ENTREP2: variants seen among roughly 807,000 people sequenced by gnomAD.
The protein encoded by ENTREP2 is endosomal transmembrane epsin interactor 2, also known as protein ENTREP2.
the ENTREP2 span, among the ~76,000 whole-genome samples, chr15:29,237,375 T>C: frequency 6.6e-6 from 1 of 152,204 alleles, no homozygotes; most frequent in African/African-American, 2.4e-5. Context: ...TAGGTGATGA[T>C]TTTGGAGTCA....
chr15:29,538,759 A>C, the ENTREP2 span, among the ~76,000 whole-genome samples: 52 of 151,828 alleles, frequency 3.4e-4, no homozygotes, highest in Admixed American at 1.7e-3. Context: ...CAGTGAGCCG[A>C]GATCATGCCA....
At chr15:29,560,029 G>A in the ENTREP2 span, among the ~76,000 whole-genome samples, 15 of 152,166 alleles carry the variant, frequency 9.9e-5, no homozygotes, top group Admixed American at 6.5e-4. Flanking sequence ...AAGATTCTCC[G>A]GATGCTGTGT....
At chr15:29,457,865 G>A in the ENTREP2 span, among the ~76,000 whole-genome samples, 1 of 152,156 alleles carries the variant, frequency 6.6e-6, no homozygotes, top group African/African-American at 2.4e-5. Flanking sequence ...GCAGGCCAGT[G>A]GGAACCTACT....
At chr15:29,363,073 T>C in the ENTREP2 span, among the ~76,000 whole-genome samples, 1 of 152,188 alleles carries the variant, frequency 6.6e-6, no homozygotes, top group African/African-American at 2.4e-5. Flanking sequence ...TAAGGATCTG[T>C]ACAAATATGT....
the ENTREP2 span, among the ~76,000 whole-genome samples, chr15:29,178,667 C>T: frequency 6.6e-6 from 1 of 151,980 alleles, no homozygotes; most frequent in African/African-American, 2.4e-5. Context: ...ACCTCCCTGC[C>T]CTATAAAAGA....
At chr15:29,276,346 TG>T in the ENTREP2 span, among the ~76,000 whole-genome samples, 9 of 152,238 alleles carry the variant, frequency 5.9e-5, no homozygotes, top group African/African-American at 2.2e-4. Flanking sequence ...GTCTTGATAG[TG>T]GTCACTAAGA....
At chr15:29,622,149 T>G in the ENTREP2 span, among the ~76,000 whole-genome samples, 1 of 152,090 alleles carries the variant, frequency 6.6e-6, no homozygotes, top group Non-Finnish European at 1.5e-5. Flanking sequence ...CACAACACTG[T>G]GAATGTATTT....
the ENTREP2 span, among the ~76,000 whole-genome samples, chr15:29,471,328 C>T: frequency 6.6e-6 from 1 of 152,254 alleles, no homozygotes; most frequent in Non-Finnish European, 1.5e-5. Context: ...ATAGAAAAAG[C>T]TCCAAGAAGG....
chr15:29,435,558 T>C, the ENTREP2 span, among the ~76,000 whole-genome samples: 1 of 152,112 alleles, frequency 6.6e-6, no homozygotes, highest in Non-Finnish European at 1.5e-5. Flanking sequence ...CTTTATAGTG[T>C]AGTTTTATAA....
the ENTREP2 span, among the ~76,000 whole-genome samples, chr15:29,322,311 CA>C: frequency 6.6e-6 from 1 of 152,086 alleles, no homozygotes; most frequent in East Asian, 1.9e-4. Context: ...TGGCAATTTT[CA>C]AGAATACACT....
the ENTREP2 span, among the ~76,000 whole-genome samples, chr15:29,596,894 T>C: frequency 6.6e-6 from 1 of 152,142 alleles, no homozygotes. Context: ...GGTCTTGAAC[T>C]CCTGAACTCA....
the ENTREP2 span, among the ~76,000 whole-genome samples, chr15:29,225,232 G>A: frequency 2.0e-5 from 3 of 152,268 alleles, no homozygotes; most frequent in Admixed American, 2.0e-4. Context: ...CTCAAGCACA[G>A]CCAGAGTGGG....
At chr15:29,169,860 A>G in the ENTREP2 span, among the ~76,000 whole-genome samples, 7 of 152,340 alleles carry the variant, frequency 4.6e-5, no homozygotes, top group African/African-American at 7.2e-5. Flanking sequence ...GGTCCCAGTC[A>G]TTGGAAGAAG....
chr15:29,617,286 G>T, the ENTREP2 span, among the ~76,000 whole-genome samples: 16 of 152,136 alleles, frequency 1.1e-4, no homozygotes, highest in South Asian at 3.3e-3. Flanking sequence ...CACGTCCAAG[G>T]GCTGGAGAAA....
chr15:29,597,976 G>A, the ENTREP2 span, among the ~76,000 whole-genome samples: 5 of 152,156 alleles, frequency 3.3e-5, no homozygotes, highest in East Asian at 7.7e-4. Flanking sequence ...ACAAAGATTA[G>A]CCAGGCCTCA....
the ENTREP2 span, among the ~76,000 whole-genome samples, chr15:29,161,807 G>A: frequency 6.6e-6 from 1 of 152,166 alleles, no homozygotes; most frequent in Non-Finnish European, 1.5e-5. Flanking sequence ...ATAGGATCAT[G>A]GTGGACGGGA....
At chr15:29,646,794 T>C in the ENTREP2 span, among the ~76,000 whole-genome samples, 4 of 152,124 alleles carry the variant, frequency 2.6e-5, no homozygotes, top group African/African-American at 9.7e-5. Context: ...ACCATATCTA[T>C]AGACATAAAG....
chr15:29,642,689 T>C, the ENTREP2 span, among the ~76,000 whole-genome samples: 29 of 151,984 alleles, frequency 1.9e-4, no homozygotes, highest in African/African-American at 7.0e-4. Context: ...CTCGGCTCAC[T>C]GCAACCTCTG....
chr15:29,580,956 T>C, the ENTREP2 span, among the ~76,000 whole-genome samples: 1 of 152,174 alleles, frequency 6.6e-6, no homozygotes, highest in African/African-American at 2.4e-5. Flanking sequence ...AGTGAAATAA[T>C]ATACAAGACA....
Sources: gnomAD v4.1 joint callset for allele counts (sites outside exome capture counted in the v4.1 genomes callset) on GRCh38, gnomAD v4.1.1 for gene constraint, MANE v1.5 for transcripts, NCBI Gene and HGNC (gene_info 2026-07-23, HGNC 2026-07-21) for gene names.